The following SLK variants were observed in gnomAD, a reference collection of about 807,000 sequenced individuals.
SLK encodes STE20 like kinase.
Under a neutral mutation model 147.7 loss-of-function variants are expected in SLK, and 67 were observed. The ratio of observed to expected loss-of-function variants is 0.45; its 90% CI spans 0.37 to 0.56. The LOEUF (loss-of-function observed/expected upper bound fraction) is 0.56. Among genes scored for constraint, SLK ranks in the 20% least tolerant of loss-of-function variants. The probability of loss-of-function intolerance (pLI) is 0.00; values close to 1 mark genes in which losing one functional copy is unlikely to be tolerated. For missense variants in SLK, 1,136 were observed against 1,438.8 expected (o/e 0.79, Z 3.41); for synonymous variants, 441 against 475.0 (o/e 0.93, Z 0.93).
At chr10:104,017,607 G>A (rs1056190443) in intron 13 of SLK, among the ~76,000 whole-genome samples, 3 of 152,124 alleles carry the variant, frequency 2.0e-5, no homozygotes, top group Non-Finnish European at 4.4e-5. Flanking sequence ...AGCCTCCCTA[G>A]TAGCTGGGAT....
chr10:104,018,216 C>T lies in SLK; in HGVS notation c.2934C>T (p.Ile978=), dbSNP rs779390025. 6.2e-7 allele frequency: 1 copy of T among 1,607,276 alleles called. No individual in the cohort carries two copies. Among genetic ancestry groups the T allele is most frequent in the South Asian group, 1.1e-5 (1 of 89,350 alleles). ...AATTAGATGGCTCTCTGAAAAAGAT[C>T]ATCCAGCAGCAGAAGGCAGAGTTAG... ...QQELDGSLKK[I]IQQQKAELAN... Residue 978 remains isoleucine (I), a synonymous_variant, in exon 14 of 19, where the codon ATC becomes ATT. Transcript: ENST00000369755.
intron 1 of SLK, among the ~76,000 whole-genome samples, chr10:103,984,100 T>G (rs1267475418): frequency 6.6e-6 from 1 of 152,172 alleles, no homozygotes; most frequent in Non-Finnish European, 1.5e-5. Context: ...AATGTGATTT[T>G]CCTCCTGTCT....
chr10:104,016,179 C>T lies in SLK; in HGVS notation c.2878-1981C>T, dbSNP rs191110536. Among the ~76,000 whole-genome samples the T allele has an allele frequency of 8.8e-4, 134 of 151,954 alleles. 1 individual carries two copies. The East Asian group carries it at 0.019, about 21-fold the overall frequency. ...TAGAAAATACAAAAAATTAGCTGGG[C>T]GTGGTGGTGGGCGCCTGTAGTCCCG... is the stretch of plus-strand genomic sequence containing the variant. On this transcript the variant is annotated intron_variant, in intron 13 of 18. Coordinates refer to ENST00000369755, the MANE Select transcript of SLK (RefSeq NM_014720.4).
chr10:104,003,477 A>T lies in SLK; in HGVS notation c.2299A>T (p.Ile767Phe). Residue 767 changes from isoleucine to phenylalanine, a missense_variant, in exon 9 of 19, where the codon ATC becomes TTC. Coordinates refer to ENST00000369755, the MANE Select transcript of SLK (RefSeq NM_014720.4). The stretch of plus-strand genomic sequence containing the variant: ...TAGCAGTATTGACTTGAATTTATCC[A>T]TCTCTAGCTTTCTAAGTAAAACTAA... ...DTSSIDLNLS[I>F]SSFLSKTKDS... 6.2e-7 allele frequency: 1 copy of T among 1,603,738 alleles called. No individual in the cohort carries two copies. The highest frequency in any genetic ancestry group is 1.1e-5 in the South Asian group (1 of 90,180).
chr10:104,018,772 G>T lies in SLK; in HGVS notation c.3008-12G>T. 1 of 1,595,894 alleles carries T rather than the reference G, an allele frequency of 6.3e-7. No individual in the cohort carries two copies. The highest frequency in any genetic ancestry group is 8.5e-7 in the Non-Finnish European group (1 of 1,175,484). On this transcript the variant is annotated splice_polypyrimidine_tract_variant and intron_variant, in intron 14 of 18. Coordinates refer to ENST00000369755, the MANE Select transcript of SLK (RefSeq NM_014720.4). ...AGAGCAAAGTGACATTTTGAAAACT[G>T]CTGTCTTCTAGCTCGAGAAGCTGCA...
chr10:104,006,469 G>A (rs1306098136), intron 11 of SLK, among the ~76,000 whole-genome samples: 1 of 152,130 alleles, frequency 6.6e-6, no homozygotes, highest in Admixed American at 6.5e-5. Flanking sequence ...TTTTAAAAAT[G>A]TGCTTTATTC....
intron 9 of SLK, among the ~76,000 whole-genome samples, chr10:104,004,560 C>T (rs1844299547): frequency 6.6e-6 from 1 of 152,026 alleles, no homozygotes. Flanking sequence ...TAGTCCTGGA[C>T]TTTGGAAGAA....
intron 13 of SLK, among the ~76,000 whole-genome samples, chr10:104,016,618 A>G (rs1256955739): frequency 6.6e-6 from 1 of 152,196 alleles, no homozygotes; most frequent in East Asian, 1.9e-4. Context: ...TTTCTCTACT[A>G]TATATGTATT....
chr10:103,987,130 C>G, intron 1 of SLK, among the ~76,000 whole-genome samples: 1 of 152,034 alleles, frequency 6.6e-6, no homozygotes, highest in East Asian at 1.9e-4. Flanking sequence ...GAACTAGATC[C>G]TGATGAGTAA....
rs757221518 is a variant in SLK, at chr10:104,006,015, C to A, written c.2584C>A (p.Arg862Ser). The change falls in exon 11 of 19, where the codon CGC becomes AGC. Residue 862 changes from arginine (R) to serine (S), a missense_variant. Physicochemically the swap from Arg to Ser is moderately radical, Grantham distance 110. Around this residue, in one of 6 missense-constraint regions of SLK, gnomAD observed 327 missense variants for 457.5 expected, o/e 0.71. Transcript: ENST00000369755. ...LQQQREQIFR[R>S]FEQEMMSKKR... ...GCAACAACGAGAACAAATTTTCCGG[C>A]GCTTTGAGCAGGAAATGATGGTAAA... 1.2e-6 allele frequency: 2 copies of A among 1,612,314 alleles called. No individual in the cohort carries two copies. The highest frequency in any genetic ancestry group is 1.1e-5 in the South Asian group (1 of 90,636).
chr10:103,989,198 C>T (rs952260184), intron 1 of SLK, among the ~76,000 whole-genome samples: 19 of 151,758 alleles, frequency 1.3e-4, no homozygotes, highest in Admixed American at 1.2e-3. Flanking sequence ...AATGAACAGC[C>T]CAGTTAAAAA....
intron 4 of SLK, among the ~76,000 whole-genome samples, chr10:103,993,793 TTC>T (rs2134477063): frequency 6.6e-6 from 1 of 152,328 alleles, no homozygotes; most frequent in South Asian, 2.1e-4. Context: ...TGGAAGGCTA[TTC>T]AAAGGACAAA....
intron 13 of SLK, among the ~76,000 whole-genome samples, chr10:104,014,619 CCATTT>C (rs1302471189): frequency 6.6e-6 from 1 of 152,088 alleles, no homozygotes; most frequent in Non-Finnish European, 1.5e-5. Flanking sequence ...CTGATCATTA[CCATTT>C]TTAGCCTTTG....
At chr10:103,979,297 G>A (rs1429981728) in intron 1 of SLK, among the ~76,000 whole-genome samples, 1 of 152,192 alleles carries the variant, frequency 6.6e-6, no homozygotes, top group African/African-American at 2.4e-5. Flanking sequence ...GATTATAGGC[G>A]TGAGCCACCG....
At chr10:104,017,604 C>G (rs532609459) in intron 13 of SLK, among the ~76,000 whole-genome samples, 1 of 152,252 alleles carries the variant, frequency 6.6e-6, no homozygotes, top group Admixed American at 6.5e-5. Flanking sequence ...CTCAGCCTCC[C>G]TAGTAGCTGG....
At position 104,019,893 on chromosome 10, in the gene SLK, C is replaced by T. The variant is rs775659033; in HGVS notation, c.3292C>T (p.Pro1098Ser). The change falls in exon 16 of 19, where the codon CCA becomes TCA. Residue 1098 changes from proline to serine, a missense_variant. Coordinates refer to ENST00000369755, the MANE Select transcript of SLK (RefSeq NM_014720.4). The part of the protein sequence containing the change: ...KSLRINSTAT[P>S]DQDRDKIKQF... Reference sequence around the variant, plus strand: ...TTTGAGAATTAACTCAACAGCCACACCAGATCAGGACCGTGATAAAATTAA... The same window carrying T: ...TTTGAGAATTAACTCAACAGCCACATCAGATCAGGACCGTGATAAAATTAA... The T allele has an allele frequency of 6.2e-7, 1 of 1,613,954 alleles. No individual in the cohort carries two copies.
At chr10:103,972,447 CG>C (rs1373819939) in intron 1 of SLK, among the ~76,000 whole-genome samples, 1 of 152,122 alleles carries the variant, frequency 6.6e-6, no homozygotes, top group African/African-American at 2.4e-5. Flanking sequence ...CCGAGGCGGG[CG>C]GATCACGAAG....
intron 11 of SLK, among the ~76,000 whole-genome samples, chr10:104,006,967 T>C (rs913483295): frequency 3.3e-5 from 5 of 152,192 alleles, no homozygotes; most frequent in Non-Finnish European, 7.3e-5. Context: ...AATAAGTAAC[T>C]ATACCTGTAT....
At position 103,990,753 on chromosome 10, in the gene SLK, A is replaced by G. The variant is rs750818672; in HGVS notation, c.229A>G (p.Met77Val). The G allele has an allele frequency of 4.4e-6, 7 of 1,573,708 alleles. No homozygotes were observed. Among genetic ancestry groups the G allele is most frequent in the Non-Finnish European group, 6.0e-6 (7 of 1,162,118 alleles). The change falls in exon 2 of 19, where the codon ATG becomes GTG. Residue 77 changes from methionine (M) to valine (V), a missense_variant. This residue lies in a region of SLK where 126 missense variants were observed against 141.3 expected (regional missense o/e 0.89). Transcript: ENST00000369755. The part of the protein sequence containing the change: ...TKSEEELEDY[M>V]VEIDILASCD... Reference sequence around the variant, plus strand: ...ATCTGAAGAAGAACTTGAAGATTACATGGTAGAGATTGACATATTAGCATC... The same window carrying G: ...ATCTGAAGAAGAACTTGAAGATTACGTGGTAGAGATTGACATATTAGCATC...
Sources: gnomAD v4.1 joint callset for allele counts (sites outside exome capture counted in the v4.1 genomes callset) on GRCh38, gnomAD v4.1.1 for gene constraint, gnomAD v4.1.1 regional missense constraint, MANE v1.5 for transcripts, NCBI Gene and HGNC (gene_info 2026-07-23, HGNC 2026-07-21) for gene names.